CPED1: variants seen among roughly 807,000 people sequenced by gnomAD.
The protein encoded by CPED1 is cadherin like and PC-esterase domain containing 1, also known as cadherin-like and PC-esterase domain-containing protein 1.
A neutral mutation model predicts 128.2 loss-of-function variants in CPED1; 114 were observed. The observed-to-expected ratio is 0.89, with a 90% CI of 0.76 to 1.04. The LOEUF (loss-of-function observed/expected upper bound fraction) is 1.04, where lower values mean the gene tolerates loss of function less well. Among genes scored for constraint, CPED1 ranks in the 50% least tolerant of loss-of-function variants. The pLI is 0.00. For synonymous variants in CPED1, 462 were observed against 426.7 expected, an observed-to-expected ratio of 1.08 and a Z score of -1.02; for missense variants, 1,211 against 1,207.1, an observed-to-expected ratio of 1.00 and a Z score of -0.05.
chr7:121,204,126 C>T (rs1797466098), intron 16 of CPED1, among the ~76,000 whole-genome samples: 1 of 152,094 alleles, frequency 6.6e-6, no homozygotes, highest in Non-Finnish European at 1.5e-5. Flanking sequence ...ACCTCTTTCG[C>T]CTATTTAATG....
intron 3 of CPED1, among the ~76,000 whole-genome samples, chr7:121,036,020 G>T (rs1459233019): frequency 6.6e-6 from 1 of 151,854 alleles, no homozygotes. Flanking sequence ...AGAAGCAATA[G>T]TTAAAACCAT....
chr7:121,084,162 A>G (rs928474678), intron 5 of CPED1, among the ~76,000 whole-genome samples: 2 of 152,058 alleles, frequency 1.3e-5, no homozygotes, highest in Admixed American at 6.5e-5. Context: ...CCTGTTACTA[A>G]CCACTACTGA....
chr7:121,289,503 T>C (rs919190225), intron 22 of CPED1, among the ~76,000 whole-genome samples: 6 of 152,168 alleles, frequency 3.9e-5, no homozygotes, highest in African/African-American at 1.4e-4. Flanking sequence ...TTTTCAGAAA[T>C]GGTTCAAGCT....
At chr7:121,205,355 C>T (rs903594825) in intron 16 of CPED1, among the ~76,000 whole-genome samples, 1 of 151,996 alleles carries the variant, frequency 6.6e-6, no homozygotes, top group African/African-American at 2.4e-5. Flanking sequence ...TTTCATCCCT[C>T]TTATATTTTT....
intron 16 of CPED1, among the ~76,000 whole-genome samples, chr7:121,162,388 G>T (rs1235828415): frequency 1.3e-5 from 2 of 152,164 alleles, no homozygotes; most frequent in African/African-American, 4.8e-5. Context: ...GGAAGCCTCT[G>T]CAAGGCAAAC....
intron 2 of CPED1, among the ~76,000 whole-genome samples, chr7:120,995,206 C>G (rs566069253): frequency 6.6e-6 from 1 of 151,610 alleles, no homozygotes; most frequent in African/African-American, 2.4e-5. Context: ...GATTCCTTAT[C>G]CTTTGCATTT....
rs570795957 is a variant in CPED1 at position 121,106,611 on chromosome 7, G to A, written c.918+6517G>A. Reference sequence around the variant, plus strand: ...AAAGTTCCTCAATAGTACTTTGGAGGATAGAATGTATGTTTCCCTTCTCAG... The same window carrying A: ...AAAGTTCCTCAATAGTACTTTGGAGAATAGAATGTATGTTTCCCTTCTCAG... On this transcript the variant is annotated intron_variant, in intron 7 of 22. Coordinates refer to ENST00000310396, the MANE Select transcript of CPED1 (RefSeq NM_024913.5). Among the ~76,000 whole-genome samples, 3 of 152,108 alleles carry A rather than the reference G, an allele frequency of 2.0e-5. No individual in the cohort carries two copies. In the South Asian group the frequency reaches 6.2e-4, roughly 32 times the overall value.
At position 121,015,680 on chromosome 7, in the gene CPED1, G is replaced by A. The variant is rs1347679632; in HGVS notation, c.265G>A (p.Glu89Lys). The A allele has an allele frequency of 6.3e-7, 1 of 1,599,684 alleles. No individual in the cohort carries two copies. Among genetic ancestry groups the A allele is most frequent in the Non-Finnish European group, 8.5e-7 (1 of 1,175,486 alleles). Residue 89 changes from glutamate to lysine, a missense_variant, in exon 3 of 23, where the codon GAG (glutamate) becomes AAG (lysine). Transcript: ENST00000310396. ...QETRKVKESM[E>K]THFGSHGRRA... ...CTTTTCTTAGGTCAAAGAATCAATG[G>A]AGACACACTTTGGCAGCCATGGCCG...
chr7:121,206,038 A>G (rs745670777), intron 16 of CPED1, among the ~76,000 whole-genome samples: 13 of 151,978 alleles, frequency 8.6e-5, no homozygotes, highest in South Asian at 6.2e-4. Context: ...TGCTCCCTCT[A>G]TGTAAGTACA....
Position 121,266,691 on chromosome 7 carries a change from T to G in CPED1, c.2532-16T>G. On this transcript the variant is annotated splice_polypyrimidine_tract_variant and intron_variant, in intron 19 of 22. Transcript: ENST00000310396. ...GTTTTAGGGCAACATGTGTTGTTTTTCTTTCTGAATTTCAGATCACGTCCC... is the reference window on the plus strand; with the variant it reads ...GTTTTAGGGCAACATGTGTTGTTTTGCTTTCTGAATTTCAGATCACGTCCC... The G allele has an allele frequency of 6.2e-7, 1 of 1,600,046 alleles. No individual in the cohort carries two copies. Among genetic ancestry groups the G allele is most frequent in the Non-Finnish European group, 8.6e-7 (1 of 1,167,820 alleles).
At position 121,239,294 on chromosome 7, in the gene CPED1, T is replaced by C. The variant is rs1798331586; in HGVS notation, c.2173+2463T>C. Among the ~76,000 whole-genome samples, 3 of 152,182 alleles carry C rather than the reference T, an allele frequency of 2.0e-5. No individual in the cohort carries two copies. In the South Asian group the frequency reaches 6.2e-4, roughly 32 times the overall value. On this transcript the variant is annotated intron_variant, in intron 17 of 22. Coordinates refer to ENST00000310396, the MANE Select transcript of CPED1 (RefSeq NM_024913.5). ...CACTTTGCCTATGTATTGATCTCAA[T>C]ATACCATTTTCAATAACATCAGCCA...
chr7:121,041,863 G>A (rs1027006339), intron 3 of CPED1, among the ~76,000 whole-genome samples: 10 of 152,090 alleles, frequency 6.6e-5, no homozygotes, highest in Non-Finnish European at 7.4e-5. Flanking sequence ...GGACCCTGAC[G>A]TCTCCTTCCA....
At chr7:121,080,275 A>G (rs1382321127) in intron 5 of CPED1, among the ~76,000 whole-genome samples, 1 of 152,176 alleles carries the variant, frequency 6.6e-6, no homozygotes, top group East Asian at 1.9e-4. Context: ...TGTGAGAATA[A>G]AGTATACTAT....
Position 121,117,247 on chromosome 7 carries a change from A to ATTTTT in CPED1, c.919-7084_919-7083insTTTTT, listed in dbSNP as rs1247565625. The stretch of plus-strand genomic sequence containing the variant: ...TCCCGAGTAGCTGGGATTACAGATG[A>ATTTTT]GTACCACCATGCCGGGCTACTTTTT... On this transcript the variant is annotated intron_variant, in intron 7 of 22. Transcript: ENST00000310396. Among the ~76,000 whole-genome samples the ATTTTT allele has an allele frequency of 3.1e-3, 465 of 151,252 alleles. 2 individuals are homozygous for ATTTTT. The highest frequency in any genetic ancestry group is 4.8e-3 in the Non-Finnish European group (327 of 67,754).
At chr7:121,120,455 C>T (rs1795356059) in intron 7 of CPED1, among the ~76,000 whole-genome samples, 1 of 152,162 alleles carries the variant, frequency 6.6e-6, no homozygotes, top group South Asian at 2.1e-4. Flanking sequence ...TAAGTACCAA[C>T]ATTCCCTGAT....
chr7:121,218,967 A>G (rs892244643), intron 16 of CPED1, among the ~76,000 whole-genome samples: 4 of 152,114 alleles, frequency 2.6e-5, no homozygotes, highest in Admixed American at 2.0e-4. Flanking sequence ...CCTTTGGAAT[A>G]TGAAATAAGT....
chr7:121,055,019 G>T (rs1793457504), intron 4 of CPED1, among the ~76,000 whole-genome samples: 1 of 152,156 alleles, frequency 6.6e-6, no homozygotes, highest in Admixed American at 6.5e-5. Context: ...CATCCCTGTT[G>T]TGTCAATTAG....
At chr7:121,081,260 G>A (rs1563018288) in intron 5 of CPED1, among the ~76,000 whole-genome samples, 1 of 152,212 alleles carries the variant, frequency 6.6e-6, no homozygotes, top group Non-Finnish European at 1.5e-5. Flanking sequence ...CAATACATTC[G>A]TTTTCCTTAA....
intron 17 of CPED1, among the ~76,000 whole-genome samples, chr7:121,237,733 G>A (rs1798292032): frequency 6.6e-6 from 1 of 152,130 alleles, no homozygotes; most frequent in African/African-American, 2.4e-5. Context: ...ACACTCAGGA[G>A]CTTTTCTACC....
Sources: allele counts gnomAD v4.1 joint callset (sites outside exome capture counted in the v4.1 genomes callset), GRCh38; gene constraint gnomAD v4.1.1; transcripts MANE v1.5; gene names NCBI Gene and HGNC (gene_info 2026-07-23, HGNC 2026-07-21).